NFKB1: variants seen among roughly 807,000 people sequenced by gnomAD.
The protein encoded by NFKB1 is nuclear factor NF-kappa-B p105 subunit.
In NFKB1, 9 loss-of-function variants were observed where a neutral mutation model predicts 105.1. The ratio of observed to expected loss-of-function variants is 0.09; its 90% CI spans 0.05 to 0.15. The LOEUF (loss-of-function observed/expected upper bound fraction) is 0.15, where lower values mean the gene tolerates loss of function less well. Ranked by LOEUF, NFKB1 falls within the 10% of genes least tolerant of loss-of-function variation. The probability of loss-of-function intolerance (pLI) is 1.00; values close to 1 mark genes in which losing one functional copy is unlikely to be tolerated. For missense variants in NFKB1, 830 were observed against 1,203.7 expected, an observed-to-expected ratio of 0.69 and a Z score of 4.59; for synonymous variants, 440 against 442.2, an observed-to-expected ratio of 1.00 and a Z score of 0.06.
intron 11 of NFKB1, among the ~76,000 whole-genome samples, chr4:102,588,853 T>C (rs1725940657): frequency 6.6e-6 from 1 of 152,184 alleles, no homozygotes; most frequent in African/African-American, 2.4e-5. Flanking sequence ...TAACCCCTCC[T>C]AGCTTCAGTT....
At chr4:102,531,402 T>C (rs1437540414) in intron 3 of NFKB1, among the ~76,000 whole-genome samples, 1 of 152,214 alleles carries the variant, frequency 6.6e-6, no homozygotes, top group Non-Finnish European at 1.5e-5. Context: ...AGTACAATTT[T>C]TATAGTCCAA....
chr4:102,553,653 CTT>C (rs917304786), intron 5 of NFKB1, among the ~76,000 whole-genome samples: 4 of 152,090 alleles, frequency 2.6e-5, no homozygotes, highest in Admixed American at 2.6e-4. Flanking sequence ...GTTTGCGTGT[CTT>C]TTTTTCTCTC....
At chr4:102,541,208 G>A (rs971502815) in intron 5 of NFKB1, among the ~76,000 whole-genome samples, 1 of 152,074 alleles carries the variant, frequency 6.6e-6, no homozygotes, top group Admixed American at 6.6e-5. Context: ...AATGTCCCCT[G>A]GGGGGCAAAA....
At chr4:102,544,183 A>G (rs1010781272) in intron 5 of NFKB1, among the ~76,000 whole-genome samples, 2 of 151,766 alleles carry the variant, frequency 1.3e-5, no homozygotes, top group Admixed American at 6.6e-5. Flanking sequence ...AAGATTTAAC[A>G]TGGTTAAGAA....
chr4:102,571,543 G>C (rs1483361219), intron 6 of NFKB1, among the ~76,000 whole-genome samples: 1 of 152,178 alleles, frequency 6.6e-6, no homozygotes, highest in Admixed American at 6.5e-5. Flanking sequence ...AGAGTGAACA[G>C]GCAACCTACA....
chr4:102,525,623 C>A, intron 2 of NFKB1, 66 bp downstream of exon 2: 1 of 1,383,954 alleles, frequency 7.2e-7, no homozygotes, highest in Non-Finnish European at 1.0e-6. Context: ...TATGCAAAGG[C>A]AACATTAGTA....
chr4:102,553,815 A>G (rs2149147525), intron 5 of NFKB1, among the ~76,000 whole-genome samples: 1 of 152,314 alleles, frequency 6.6e-6, no homozygotes, highest in Non-Finnish European at 1.5e-5. Flanking sequence ...AAAAGTTGAA[A>G]TCTTTGCCTA....
intron 23 of NFKB1, among the ~76,000 whole-genome samples, chr4:102,615,440 T>A (rs1728856916): frequency 6.6e-6 from 1 of 152,150 alleles, no homozygotes. Context: ...AGCACCCATC[T>A]CACCCTGCCA....
At chr4:102,593,746 A>G (rs1402831720) in intron 12 of NFKB1, among the ~76,000 whole-genome samples, 178 bp downstream of exon 12, 1 of 152,144 alleles carries the variant, frequency 6.6e-6, no homozygotes, top group East Asian at 1.9e-4. Flanking sequence ...TCATTTTACA[A>G]TATGTAGGTA....
intron 5 of NFKB1, among the ~76,000 whole-genome samples, chr4:102,562,761 C>T (rs1723541486): frequency 6.6e-6 from 1 of 152,190 alleles, no homozygotes; most frequent in African/African-American, 2.4e-5. Flanking sequence ...CTTCAGACTT[C>T]CTAGACTTTA....
At chr4:102,585,814 T>A (rs902248079) in intron 11 of NFKB1, among the ~76,000 whole-genome samples, 8 of 152,132 alleles carry the variant, frequency 5.3e-5, no homozygotes, top group African/African-American at 1.9e-4. Flanking sequence ...AGTTGGGTGT[T>A]AAACAGAGAA....
intron 16 of NFKB1, among the ~76,000 whole-genome samples, chr4:102,602,315 G>A (rs1207532855): frequency 6.6e-6 from 1 of 151,238 alleles, no homozygotes; most frequent in Non-Finnish European, 1.5e-5. Flanking sequence ...CGGATCATGA[G>A]ATCAGGAGAT....
intron 1 of NFKB1, chr4:102,503,278 G>C (rs557068785): frequency 6.6e-6 from 1 of 151,964 alleles, no homozygotes; most frequent in East Asian, 1.9e-4. Flanking sequence ...TGGAGACTTG[G>C]AATCTGAGAT....
At chr4:102,588,073 G>T (rs1190215654) in intron 11 of NFKB1, among the ~76,000 whole-genome samples, 3 of 151,662 alleles carry the variant, frequency 2.0e-5, no homozygotes, top group Non-Finnish European at 2.9e-5. Context: ...TTTATTTATG[G>T]GTCTATTGTC....
Position 102,616,646 on chromosome 4 carries a change from C to G in NFKB1, c.*52C>G, listed in dbSNP as rs746414889. The G allele has an allele frequency of 1.3e-6, 2 of 1,579,444 alleles. No individual in the cohort carries two copies. Among genetic ancestry groups the G allele is most frequent in the South Asian group, 2.3e-5 (2 of 87,564 alleles). ...AAACCAAAGCCCTAAAATTCCACTG[C>G]GTTGTCCACAAGACAGAAGCTGAAG... On this transcript the variant is annotated 3_prime_UTR_variant, in exon 24 of 24. Coordinates refer to ENST00000226574, the MANE Select transcript of NFKB1 (RefSeq NM_003998.4).
chr4:102,601,726 C>T (rs1727162984), intron 16 of NFKB1, among the ~76,000 whole-genome samples: 1 of 152,216 alleles, frequency 6.6e-6, no homozygotes. Flanking sequence ...GCCACTTCGG[C>T]AGAAGCAGAG....
Position 102,607,761 on chromosome 4 carries a change from T to A in NFKB1, c.2227+10T>A. 6.2e-7 allele frequency: 1 copy of A among 1,612,296 alleles called. No homozygotes were observed. The highest frequency in any genetic ancestry group is 8.5e-7 in the Non-Finnish European group (1 of 1,178,320). ...CTTCTCAAAGCAGCAGGTAAGATGG[T>A]GATCTGGCGGTCATTAATGAAAAAT... On this transcript the variant is annotated intron_variant, in intron 19 of 23. Transcript: ENST00000226574.
At chr4:102,517,520 A>G (rs1740272695) in intron 1 of NFKB1, among the ~76,000 whole-genome samples, 1 of 152,164 alleles carries the variant, frequency 6.6e-6, no homozygotes, top group Non-Finnish European at 1.5e-5. Context: ...AAAAAGCAAA[A>G]CTCCCATCTC....
chr4:102,579,377 TTGG>T (rs1725133686), intron 8 of NFKB1, among the ~76,000 whole-genome samples: 1 of 152,114 alleles, frequency 6.6e-6, no homozygotes, highest in Non-Finnish European at 1.5e-5. Flanking sequence ...CCAATTTTCT[TTGG>T]TGGTGGGGGG....
Sources: gnomAD v4.1 joint callset for allele counts (sites outside exome capture counted in the v4.1 genomes callset) on GRCh38, gnomAD v4.1.1 for gene constraint, MANE v1.5 for transcripts, NCBI Gene and HGNC (gene_info 2026-07-23, HGNC 2026-07-21) for gene names.